The following USP54 variants were observed in gnomAD, a reference collection of about 807,000 sequenced individuals.
USP54 encodes ubiquitin carboxyl-terminal hydrolase 54.
USP54 carries 87 observed loss-of-function variants against 170.5 expected under a neutral mutation model. That is an observed-to-expected ratio of 0.51 (90% CI 0.43 to 0.61). USP54 has a LOEUF of 0.61. Ranked by LOEUF, USP54 falls within the 20% of genes least tolerant of loss-of-function variation. The pLI is 0.00. For synonymous variants in USP54, 655 were observed against 742.8 expected, an observed-to-expected ratio of 0.88 and a Z score of 1.92; for missense variants, 1,786 against 2,047.8, an observed-to-expected ratio of 0.87 and a Z score of 2.47.
At chr10:73,563,091 A>C (rs932481885) in intron 4 of USP54, among the ~76,000 whole-genome samples, 2 of 152,066 alleles carry the variant, frequency 1.3e-5, no homozygotes, top group African/African-American at 4.8e-5. Flanking sequence ...AGCTGGGACC[A>C]CAGGCACACA....
intron 1 of USP54, among the ~76,000 whole-genome samples, chr10:73,622,328 T>TTATC (rs1173556874): frequency 6.6e-6 from 1 of 151,456 alleles, no homozygotes; most frequent in Non-Finnish European, 1.5e-5. Flanking sequence ...ATTTATTTAT[T>TTATC]TATTTATTTA....
intron 17 of USP54, 96 bp downstream of exon 17, chr10:73,523,487 G>T: frequency 7.2e-7 from 1 of 1,392,324 alleles, no homozygotes; most frequent in Non-Finnish European, 9.6e-7. Context: ...AAATTATTTT[G>T]CTAAAGAGAA....
At chr10:73,518,756 T>C (rs2061452955) in intron 19 of USP54, 1 of 148,120 alleles carries the variant, frequency 6.8e-6, no homozygotes, top group Admixed American at 6.9e-5. Context: ...AAGGTCTTGC[T>C]CTGTCACCCA....
chr10:73,579,580 C>A (rs2076598304), intron 1 of USP54, among the ~76,000 whole-genome samples: 1 of 151,896 alleles, frequency 6.6e-6, no homozygotes, highest in Non-Finnish European at 1.5e-5. Flanking sequence ...CATGGTGAAA[C>A]CCCATCTCTA....
chr10:73,511,749 CT>C (rs202088100), intron 20 of USP54, among the ~76,000 whole-genome samples: 10,399 of 143,436 alleles, frequency 0.072, 558 homozygotes, highest in East Asian at 0.3. Flanking sequence ...TATATTTTTT[CT>C]TTTTTTTTTT....
At chr10:73,553,191 C>A (rs575266450) in intron 4 of USP54, 1 of 152,352 alleles carries the variant, frequency 6.6e-6, no homozygotes, top group East Asian at 1.9e-4. Context: ...GTATCAACGT[C>A]TCCACAATAT....
chr10:73,557,085 A>G (rs185518896), intron 4 of USP54, among the ~76,000 whole-genome samples: 6 of 152,310 alleles, frequency 3.9e-5, no homozygotes, highest in Middle Eastern at 3.4e-3. Flanking sequence ...TTTGTGGCAC[A>G]CTAAATACAG....
chr10:73,613,352 G>A (rs1352388656), intron 1 of USP54, among the ~76,000 whole-genome samples: 2 of 151,010 alleles, frequency 1.3e-5, no homozygotes, highest in Non-Finnish European at 2.9e-5. Flanking sequence ...GGCTGGTCTC[G>A]AACTCCGGAC....
At chr10:73,547,563 C>T (rs1332800141) in intron 4 of USP54, among the ~76,000 whole-genome samples, 1 of 152,070 alleles carries the variant, frequency 6.6e-6, no homozygotes, top group Non-Finnish European at 1.5e-5. Context: ...GAACAGAGGC[C>T]TCAGAAATAA....
intron 20 of USP54, among the ~76,000 whole-genome samples, chr10:73,511,903 C>T (rs1564635680): frequency 1.3e-5 from 2 of 150,970 alleles, no homozygotes; most frequent in South Asian, 2.1e-4. Context: ...CCACAATACC[C>T]GGCTAATTTT....
At position 73,614,791 on chromosome 10, in the gene USP54, G is replaced by C. The variant is rs978029029; in HGVS notation, c.-18+10776C>G. Among the ~76,000 whole-genome samples the C allele has an allele frequency of 6.7e-5, 10 of 149,992 alleles. 2 individuals are homozygous for C. Among genetic ancestry groups the C allele is most frequent in the African/African-American group, 2.5e-4 (10 of 39,498 alleles). On this transcript the variant is annotated intron_variant, in intron 1 of 22. Transcript: ENST00000339859. ...AAAGAGTTAAATAAGCTAGTAAAGA[G>C]TTAGGATAAATATAAAATATTTTTA...
In USP54 at chr10:73,575,862, C is replaced by G. The variant is rs2076047493; in HGVS notation, c.-82G>C. The G allele has an allele frequency of 2.1e-6, 1 of 469,938 alleles. No individual in the cohort carries two copies. The highest frequency in any genetic ancestry group is 2.0e-5 in the African/African-American group (1 of 50,278). The allele number at this position is 469,938 out of a possible 1,614,324, so 29.1% of individuals were successfully genotyped here. On this transcript the variant is annotated 5_prime_UTR_variant, in exon 2 of 24. Coordinates refer to ENST00000687698, the MANE Select transcript of USP54 (RefSeq NM_001391956.1). ...CCTCCTAGATCAAGATGACAGAGCC[C>G]TCCCTCACTTGTTCCAAACAATCTC... is the stretch of plus-strand genomic sequence containing the variant.
rs573325484 is a variant in USP54, at chr10:73,550,696, T to A, written c.241-5024A>T. On this transcript the variant is annotated intron_variant, in intron 4 of 23. Transcript: ENST00000687698. ...ATCTAAGGGGGAGATATTATTAAAATCTGTTTTTTTTTAAATAAGTAAGGA... is the reference window on the plus strand; with the variant it reads ...ATCTAAGGGGGAGATATTATTAAAAACTGTTTTTTTTTAAATAAGTAAGGA... Among the ~76,000 whole-genome samples the A allele has an allele frequency of 4.9e-5, 6 of 122,526 alleles. No homozygotes were observed. In the East Asian group the frequency reaches 9.7e-4, roughly 20 times the overall value. The allele number at this position is 122,526 out of a possible 152,430, so 80.4% of individuals were successfully genotyped here.
chr10:73,547,684 G>T (rs2068181571), intron 4 of USP54, among the ~76,000 whole-genome samples: 1 of 152,136 alleles, frequency 6.6e-6, no homozygotes, highest in Non-Finnish European at 1.5e-5. Context: ...GCCATATGTA[G>T]AAAGCTGAAA....
At chr10:73,581,956 T>C (rs1564915508) in intron 1 of USP54, among the ~76,000 whole-genome samples, 2 of 152,174 alleles carry the variant, frequency 1.3e-5, no homozygotes, top group East Asian at 3.9e-4. Context: ...ATTAGTGAAA[T>C]ACAGAGAATG....
intron 4 of USP54, among the ~76,000 whole-genome samples, chr10:73,548,071 G>T (rs540273935): frequency 2.0e-5 from 3 of 152,068 alleles, no homozygotes; most frequent in African/African-American, 4.8e-5. Flanking sequence ...GCGGGCAAAA[G>T]ATATGAACAG....
At chr10:73,542,963 C>T (rs1451436779) in intron 6 of USP54, 55 bp downstream of exon 6, 9 of 1,609,164 alleles carry the variant, frequency 5.6e-6, no homozygotes, top group Non-Finnish European at 6.8e-6. Context: ...ACCCCACATC[C>T]CAGGATAAAG....
intron 20 of USP54, among the ~76,000 whole-genome samples, chr10:73,510,311 G>C (rs2059994702): frequency 6.6e-6 from 1 of 151,764 alleles, no homozygotes; most frequent in Non-Finnish European, 1.5e-5. Flanking sequence ...CTCCAGCCTG[G>C]GAGATAGAAC....
intron 11 of USP54, among the ~76,000 whole-genome samples, chr10:73,535,036 T>C (rs913276203): frequency 6.6e-6 from 1 of 152,140 alleles, no homozygotes; most frequent in Non-Finnish European, 1.5e-5. Flanking sequence ...GAGGGTTTTA[T>C]AAAACCTATC....
Sources: gnomAD v4.1 joint callset for allele counts (sites outside exome capture counted in the v4.1 genomes callset) on GRCh38, gnomAD v4.1.1 for gene constraint, MANE v1.5 for transcripts, NCBI Gene and HGNC (gene_info 2026-07-23, HGNC 2026-07-21) for gene names.